ANKRD30A: variants seen among roughly 807,000 people sequenced by gnomAD.
ANKRD30A encodes the protein ankyrin repeat domain-containing protein 30A.
In ANKRD30A, 170 loss-of-function variants were observed where a neutral mutation model predicts 166.3. The observed-to-expected ratio is 1.02, with a 90% confidence interval of 0.90 to 1.16. The LOEUF (loss-of-function observed/expected upper bound fraction) is 1.16, where lower values mean the gene tolerates loss of function less well. Among genes scored for constraint, ANKRD30A ranks in the 50% most tolerant of loss-of-function variants. ANKRD30A has a pLI of 0.00. For synonymous variants in ANKRD30A, 564 were observed against 508.9 expected, an observed-to-expected ratio of 1.11 and a Z score of -1.46; for missense variants, 1,630 against 1,518.0, an observed-to-expected ratio of 1.07 and a Z score of -1.23.
Position 37,132,333 on chromosome 10 carries a change from A to G in ANKRD30A, c.604A>G (p.Asn202Asp), listed in dbSNP as rs1395531292. Residue 202 changes from asparagine (N) to aspartate (D), a missense_variant, in exon 4 of 36, where the codon AAT (asparagine) becomes GAT (aspartate). By Grantham distance (23) the Asn-to-Asp change is conservative. Around this residue, in one of 4 missense-constraint regions of ANKRD30A, gnomAD observed 904 missense variants for 818.5 expected, o/e 1.10. Transcript: ENST00000361713. ...LIKNANANAV[N>D]KYKCTALMLA... is the part of the protein sequence containing the mutation. ...AAAAAATGCAAATGCGAATGCAGTT[A>G]ATAAGTATAAATGGTATAGTAGTTC... 1.3e-6 allele frequency: 2 copies of G among 1,590,858 alleles called. No individual in the cohort carries two copies. The highest frequency in any genetic ancestry group is 1.7e-6 in the Non-Finnish European group (2 of 1,165,426).
At chr10:37,155,001 T>A (rs1221825165) in intron 13 of ANKRD30A, among the ~76,000 whole-genome samples, 5 of 152,190 alleles carry the variant, frequency 3.3e-5, no homozygotes, top group African/African-American at 7.2e-5. Context: ...GGCTTTATTT[T>A]TAAGGAAGCA....
the ANKRD30A span, among the ~76,000 whole-genome samples, chr10:37,259,730 G>A: frequency 6.6e-6 from 1 of 152,142 alleles, no homozygotes; most frequent in Non-Finnish European, 1.5e-5. Context: ...GACAAATGTA[G>A]CCAAACCAAA....
rs538648010 is a variant in ANKRD30A at position 37,216,815 on chromosome 10, A to G, written c.3083+421A>G. ...GAAGTTTTTAAGAAGTTATTTGTTC[A>G]TTACTTCTAAATTGTTCTCAAGAAA... On this transcript the variant is annotated intron_variant, in intron 32 of 35. Coordinates refer to ENST00000361713, the MANE Select transcript of ANKRD30A (RefSeq NM_052997.3). Among the ~76,000 whole-genome samples, 583 of 151,262 alleles carry G rather than the reference A, an allele frequency of 3.9e-3. 2 individuals are homozygous for G. Among genetic ancestry groups the G allele is most frequent in the African/African-American group, 0.014 (564 of 41,470 alleles).
At position 37,190,763 on chromosome 10, in the gene ANKRD30A, T is replaced by C. The variant is rs182690224; in HGVS notation, c.2512+1206T>C. Reference sequence around the variant, plus strand: ...CTGGAATCATGAGGATTACTAGAATTGGACTAAACCTCAGTGACTCATTAA... The same window carrying C: ...CTGGAATCATGAGGATTACTAGAATCGGACTAAACCTCAGTGACTCATTAA... On this transcript the variant is annotated intron_variant, in intron 25 of 35. Transcript: ENST00000361713. 1.5e-3 allele frequency among the ~76,000 whole-genome samples: 228 copies of C among 151,886 alleles called. 1 individual carries two copies. The highest frequency in any genetic ancestry group is 3.4e-3 in the Middle Eastern group (1 of 294).
At chr10:37,162,267 C>T (rs1274242472) in intron 15 of ANKRD30A, among the ~76,000 whole-genome samples, 2 of 152,212 alleles carry the variant, frequency 1.3e-5, no homozygotes, top group Middle Eastern at 3.4e-3. Context: ...TAACTATGTA[C>T]CTTTCCGAAG....
At chr10:37,203,502 A>G (rs1443101405) in intron 31 of ANKRD30A, among the ~76,000 whole-genome samples, 1 of 152,204 alleles carries the variant, frequency 6.6e-6, no homozygotes, top group African/African-American at 2.4e-5. Flanking sequence ...AATAAGATCT[A>G]TTTATGACAA....
At chr10:37,215,090 G>T (rs1176869789) in intron 31 of ANKRD30A, among the ~76,000 whole-genome samples, 1 of 151,364 alleles carries the variant, frequency 6.6e-6, no homozygotes, top group African/African-American at 2.4e-5. Context: ...ATATTCTATT[G>T]CTCTACTTAT....
intron 31 of ANKRD30A, among the ~76,000 whole-genome samples, chr10:37,212,102 T>C (rs565160519): frequency 1.8e-4 from 28 of 151,900 alleles, no homozygotes; most frequent in Non-Finnish European, 3.5e-4. Flanking sequence ...GACGACATGA[T>C]TGTATATCTA....
chr10:37,263,864 G>A, the ANKRD30A span, among the ~76,000 whole-genome samples: 1 of 152,118 alleles, frequency 6.6e-6, no homozygotes, highest in South Asian at 2.1e-4. Context: ...TAATTAGCCT[G>A]GGATGTTAGA....
chr10:37,201,405 T>C, intron 31 of ANKRD30A, 80 bp downstream of exon 31: 4 of 1,090,172 alleles, frequency 3.7e-6, no homozygotes, highest in Non-Finnish European at 5.1e-6. Flanking sequence ...CTCTAATAGC[T>C]GAAGAAAATT....
intron 18 of ANKRD30A, among the ~76,000 whole-genome samples, chr10:37,166,172 C>T (rs3120828): frequency 6.6e-6 from 1 of 152,080 alleles, no homozygotes; most frequent in Non-Finnish European, 1.5e-5. Context: ...ATTTTTAACA[C>T]TAAACAGTTC....
rs748032163 is a variant in ANKRD30A at position 37,149,828 on chromosome 10, A to G, written c.1624A>G (p.Asn542Asp). Residue 542 changes from asparagine (N) to aspartate (D), a missense_variant, in exon 11 of 36, where the codon AAT (asparagine) becomes GAT (aspartate). By Grantham distance (23) the Asn-to-Asp change is conservative (BLOSUM62 1). Transcript: ENST00000361713. ...TCCAAATAAAGCCTTTGAATTGAAG[A>G]ATGAACAAACATTGAGAGCAGGTAA... ...SVPNKAFELKNEQTLRADPMF... is the reference protein window; with the variant it reads ...SVPNKAFELKDEQTLRADPMF... 1 of 1,612,748 alleles carries G rather than the reference A, an allele frequency of 6.2e-7. No homozygotes were observed. Among genetic ancestry groups the G allele is most frequent in the African/African-American group, 1.3e-5 (1 of 74,872 alleles).
chr10:37,130,145 T>TATAATTC, intron 2 of ANKRD30A, 60 bp from the exon 3 acceptor site: 12 of 1,166,330 alleles, frequency 1.0e-5, no homozygotes, highest in Admixed American at 3.9e-5. Flanking sequence ...ATTTATAATT[T>TATAATTC]ATAATAATTT....
Position 37,125,712 on chromosome 10 carries a change from T to C in ANKRD30A, c.-76T>C, listed in dbSNP as rs1326337489. ...GTGGACTGAAGAAGGGCGAGGGCGA[T>C]TGGGGAGGGGTGGGGGGTGGTGGCT... On this transcript the variant is annotated 5_prime_UTR_variant, in exon 1 of 36. Coordinates refer to ENST00000361713, the MANE Select transcript of ANKRD30A (RefSeq NM_052997.3). 2 of 519,186 alleles carry C rather than the reference T, an allele frequency of 3.9e-6. No individual in the cohort carries two copies. The highest frequency in any genetic ancestry group is 2.0e-5 in the African/African-American group (1 of 50,576). The allele number at this position is 519,186 out of a possible 1,614,324, so 32.2% of individuals were successfully genotyped here. A position where few individuals can be genotyped will look rare whatever the true frequency, so the allele number is the denominator to read the frequency against.
In ANKRD30A at chr10:37,141,764, A is replaced by G; in HGVS notation, c.867A>G (p.Glu289=). 6.2e-7 allele frequency: 1 copy of G among 1,612,148 alleles called. No homozygotes were observed. Among genetic ancestry groups the G allele is most frequent in the East Asian group, 2.2e-5 (1 of 44,856 alleles). ...CTGATGAGGCTGCACCCTTGGCGGA[A>G]AGAACACCTGACACAGCTGAAAGCT... ...GTPDEAAPLA[E]RTPDTAESLV... Residue 289 remains glutamate, a synonymous_variant, in exon 7 of 36, where the codon GAA becomes GAG. Coordinates refer to ENST00000361713, the MANE Select transcript of ANKRD30A (RefSeq NM_052997.3).
At chr10:37,194,320 T>A (rs1316879581) in intron 27 of ANKRD30A, among the ~76,000 whole-genome samples, 1 of 152,120 alleles carries the variant, frequency 6.6e-6, no homozygotes, top group South Asian at 2.1e-4. Flanking sequence ...TCTTCCTTTT[T>A]TTTGTTTGCA....
chr10:37,147,211 T>C (rs573273366), intron 8 of ANKRD30A, among the ~76,000 whole-genome samples, 159 bp from the exon 9 acceptor site: 1 of 151,672 alleles, frequency 6.6e-6, no homozygotes, highest in South Asian at 2.1e-4. Flanking sequence ...ATAGCATGTG[T>C]GAGGGTTTCT....
intron 30 of ANKRD30A, among the ~76,000 whole-genome samples, chr10:37,200,463 A>G (rs1259134567): frequency 6.6e-6 from 1 of 152,112 alleles, no homozygotes; most frequent in African/African-American, 2.4e-5. Context: ...TTAAGGTCAC[A>G]ACGGCGGAAA....
At chr10:37,184,142 G>T (rs1315203454) in intron 24 of ANKRD30A, among the ~76,000 whole-genome samples, 1 of 149,108 alleles carries the variant, frequency 6.7e-6, no homozygotes, top group African/African-American at 2.5e-5. Flanking sequence ...AGAAGGTCAA[G>T]ACATAACAGG....
Sources: gnomAD v4.1 joint callset for allele counts (sites outside exome capture counted in the v4.1 genomes callset) on GRCh38, gnomAD v4.1.1 for gene constraint, gnomAD v4.1.1 regional missense constraint, MANE v1.5 for transcripts, NCBI Gene and HGNC (gene_info 2026-07-23, HGNC 2026-07-21) for gene names.